DENND2B: variants seen among roughly 807,000 people sequenced by gnomAD.
The protein encoded by DENND2B is DENN domain-containing protein 2B.
In DENND2B, 32 loss-of-function variants were observed where a neutral mutation model predicts 116.0. The observed-to-expected ratio is 0.28, with a 90% CI of 0.21 to 0.37. The LOEUF is 0.37. DENND2B is among the 10% of genes least tolerant of loss of function. The probability of loss-of-function intolerance (pLI) is 1.00; values close to 1 mark genes in which losing one functional copy is unlikely to be tolerated. For synonymous variants in DENND2B, 588 were observed against 583.9 expected, an observed-to-expected ratio of 1.01 and a Z score of -0.10; for missense variants, 1,276 against 1,477.7, an observed-to-expected ratio of 0.86 and a Z score of 2.24.
chr11:8,886,786 C>T (rs1392686676), intron 1 of DENND2B, among the ~76,000 whole-genome samples: 1 of 151,904 alleles, frequency 6.6e-6, no homozygotes, highest in Non-Finnish European at 1.5e-5. Flanking sequence ...TAAATCTTAC[C>T]GTTCCATTAA....
intron 4 of DENND2B, among the ~76,000 whole-genome samples, chr11:8,822,489 A>G (rs543109211): frequency 2.4e-4 from 36 of 152,356 alleles, no homozygotes; most frequent in African/African-American, 7.9e-4. Flanking sequence ...ATTTTTTTAA[A>G]GAAAAGATTT....
intron 1 of DENND2B, among the ~76,000 whole-genome samples, chr11:8,908,639 AT>A (rs891984085): frequency 2.4e-4 from 9 of 37,462 alleles, no homozygotes; most frequent in African/African-American, 4.5e-4. Flanking sequence ...TCTCTCACTG[AT>A]TCCTAGGCCA....
At chr11:8,718,158 A>T in intron 4 of DENND2B, 1 of 387,940 alleles carries the variant, frequency 2.6e-6, no homozygotes. Flanking sequence ...TGCTTTATAA[A>T]TTCAGGGATT....
intron 2 of DENND2B, among the ~76,000 whole-genome samples, chr11:8,862,610 C>T (rs544852282): frequency 3.1e-4 from 47 of 152,284 alleles, no homozygotes; most frequent in African/African-American, 1.1e-3. Flanking sequence ...GCTGGGATTA[C>T]AGGTGAGTGC....
intron 15 of DENND2B, 97 bp downstream of exon 15, chr11:8,699,116 T>C (rs776933139): frequency 6.6e-7 from 1 of 1,512,960 alleles, no homozygotes; most frequent in East Asian, 2.3e-5. Context: ...GGAGAAAGGA[T>C]AAGAGCCTGG....
chr11:8,879,312 C>T (rs1274237793), intron 2 of DENND2B, among the ~76,000 whole-genome samples: 1 of 152,186 alleles, frequency 6.6e-6, no homozygotes, highest in African/African-American at 2.4e-5. Context: ...CCTGAATAAA[C>T]CAATACCTCC....
chr11:8,740,488 C>A (rs139937726), intron 2 of DENND2B, among the ~76,000 whole-genome samples: 70 of 152,250 alleles, frequency 4.6e-4, no homozygotes, highest in Non-Finnish European at 8.7e-4. Context: ...ACTTGGCATG[C>A]TCCAAGTTGC....
intron 2 of DENND2B, among the ~76,000 whole-genome samples, chr11:8,749,810 C>T (rs2052014293): frequency 6.6e-6 from 1 of 152,186 alleles, no homozygotes; most frequent in African/African-American, 2.4e-5. Flanking sequence ...GCAGAAAGGG[C>T]TATGAGAGGT....
intron 1 of DENND2B, chr11:8,776,698 T>C (rs974412113): frequency 3.1e-4 from 51 of 165,606 alleles, no homozygotes; most frequent in African/African-American, 1.1e-3. Context: ...TATAAGAACC[T>C]TCATTCTCTG....
At chr11:8,859,745 G>A (rs551788247) in intron 2 of DENND2B, among the ~76,000 whole-genome samples, 1 of 152,278 alleles carries the variant, frequency 6.6e-6, no homozygotes, top group African/African-American at 2.4e-5. Context: ...TATATCCTCA[G>A]CACTGCCCCA....
chr11:8,825,072 T>C (rs1307671735), intron 4 of DENND2B, among the ~76,000 whole-genome samples: 2 of 152,204 alleles, frequency 1.3e-5, no homozygotes, highest in Non-Finnish European at 2.9e-5. Flanking sequence ...ATGGTATTTC[T>C]GTTTTTAGGT....
chr11:8,873,535 A>G (rs2063813766), upstream of DENND2B, among the ~76,000 whole-genome samples: 1 of 152,214 alleles, frequency 6.6e-6, no homozygotes, highest in Non-Finnish European at 1.5e-5. Context: ...TACTGGCCAA[A>G]TATTTATTAG....
At chr11:8,853,006 G>T (rs2063063360) in intron 3 of DENND2B, among the ~76,000 whole-genome samples, 1 of 152,124 alleles carries the variant, frequency 6.6e-6, no homozygotes, top group Non-Finnish European at 1.5e-5. Context: ...TTAAGAGGTG[G>T]GGCCTTTGGG....
intron 2 of DENND2B, among the ~76,000 whole-genome samples, chr11:8,867,683 A>G (rs2134697759): frequency 7.0e-6 from 1 of 143,142 alleles, no homozygotes; most frequent in African/African-American, 2.6e-5. Context: ...GGCTCAAGTG[A>G]TCGATCCTCC....
At chr11:8,724,915 C>A (rs977310749) in intron 4 of DENND2B, among the ~76,000 whole-genome samples, 2 of 152,222 alleles carry the variant, frequency 1.3e-5, no homozygotes, top group Non-Finnish European at 2.9e-5. Flanking sequence ...TTGGGCTCCC[C>A]AGCTGGGACA....
intron 2 of DENND2B, among the ~76,000 whole-genome samples, chr11:8,736,119 T>A (rs150041303): frequency 1.2e-4 from 19 of 152,318 alleles, no homozygotes; most frequent in African/African-American, 4.6e-4. Context: ...CTTCTCTGCA[T>A]CTGAACGAAG....
chr11:8,706,393 C>G (rs964136866), intron 13 of DENND2B, among the ~76,000 whole-genome samples: 9 of 152,096 alleles, frequency 5.9e-5, no homozygotes, highest in African/African-American at 2.2e-4. Flanking sequence ...CCTCTACCCC[C>G]ACCCCATCAA....
intron 2 of DENND2B, among the ~76,000 whole-genome samples, chr11:8,861,696 G>C (rs940759959): frequency 3.3e-5 from 5 of 152,058 alleles, no homozygotes; most frequent in African/African-American, 1.2e-4. Context: ...CTACTCAAAG[G>C]ATGAGTCATT....
intron 3 of DENND2B, among the ~76,000 whole-genome samples, chr11:8,855,875 T>C (rs1039031809): frequency 3.9e-5 from 6 of 152,166 alleles, no homozygotes; most frequent in Admixed American, 2.0e-4. Flanking sequence ...CTGCTGACTA[T>C]ACTCTCCTCT....
Sources: allele counts gnomAD v4.1 joint callset (sites outside exome capture counted in the v4.1 genomes callset), GRCh38; gene constraint gnomAD v4.1.1; transcripts MANE v1.5; gene names NCBI Gene and HGNC (gene_info 2026-07-23, HGNC 2026-07-21).